Variants in CEP72 observed in about 807,000 individuals in gnomAD.
CEP72 encodes centrosomal protein 72.
Under a neutral mutation model 65.7 loss-of-function variants are expected in CEP72, and 78 were observed. The observed-to-expected ratio is 1.19, with a 90% confidence interval of 0.99 to 1.43. CEP72 has a LOEUF of 1.43. Ranked by LOEUF, CEP72 falls within the 40% of genes most tolerant of loss-of-function variation. CEP72 has a pLI of 0.00. For missense variants in CEP72, 914 were observed against 832.9 expected (o/e 1.10, Z -1.20); for synonymous variants, 358 against 351.7 (o/e 1.02, Z -0.20).
chr5:670,484 A>C (rs1174914554), downstream of CEP72, among the ~76,000 whole-genome samples: 1 of 151,944 alleles, frequency 6.6e-6, no homozygotes, highest in Non-Finnish European at 1.5e-5. Context: ...CCCCCAGGGC[A>C]CCAACCTCTG....
downstream of CEP72, chr5:661,787 C>G (rs1481898612): frequency 6.6e-6 from 1 of 152,530 alleles, no homozygotes; most frequent in East Asian, 1.9e-4. Flanking sequence ...TTTGCTACCC[C>G]TCCTGGCTAG....
chr5:628,852 CCTT>C (rs1376854693), intron 4 of CEP72, among the ~76,000 whole-genome samples: 1 of 115,704 alleles, frequency 8.6e-6, no homozygotes, highest in Non-Finnish European at 1.8e-5. Context: ...GACCCAGCGC[CCTT>C]CTTTGTGCAG....
Position 640,487 on chromosome 5 carries a change from C to T in CEP72, c.1422C>T (p.Val474=), listed in dbSNP as rs746067293. ...GCTCTGCGATGGTGGGTGAAGATGT[C>T]GGCTCCCTGGCTCTGGAGAGTAAGT... ...QDSSAMVGED[V]GSLALESKSL... is the part of the protein sequence containing the mutation. Residue 474 remains valine (V), a synonymous_variant, in exon 9 of 12, where the codon GTC becomes GTT. Transcript: ENST00000264935. 22 of 1,614,102 alleles carry T rather than the reference C, an allele frequency of 1.4e-5. No individual in the cohort carries two copies. The highest frequency in any genetic ancestry group is 1.1e-4 in the South Asian group (10 of 91,090).
chr5:664,925 T>C (rs1404319700), intron 2 of CEP72: 1 of 677,646 alleles, frequency 1.5e-6, no homozygotes. Context: ...AGGGGAGTGC[T>C]GGGGGCATCC....
downstream of CEP72, among the ~76,000 whole-genome samples, chr5:668,326 C>T (rs1290752761): frequency 2.9e-5 from 3 of 104,716 alleles, 1 homozygote; most frequent in Admixed American, 1.8e-4. Context: ...GAGAGGGGGC[C>T]GTGTGGGCGC....
At chr5:618,880 A>G in intron 1 of CEP72, 110 bp from the exon 2 acceptor site, 1 of 853,828 alleles carries the variant, frequency 1.2e-6, no homozygotes, top group Non-Finnish European at 1.8e-6. Context: ...GTTGAATTAA[A>G]CCAAGAATCT....
Position 649,621 on chromosome 5 carries a change from G to A in CEP72, c.1778+1705G>A, listed in dbSNP as rs557377294. Among the ~76,000 whole-genome samples, 7 of 104,444 alleles carry A rather than the reference G, an allele frequency of 6.7e-5. No homozygotes were observed. The East Asian group carries it at 1.9e-3, about 28-fold the overall frequency. 68.5% of individuals were successfully genotyped at this position (104,444 alleles called of 152,430 possible). A position where few individuals can be genotyped will look rare whatever the true frequency, so the allele number is the denominator to read the frequency against. ...GACTGTGAGGCGTGGACTGTGAGGC[G>A]TGGACTGTGAGGTGTGACTGTGAGG... On this transcript the variant is annotated intron_variant, in intron 11 of 11. Coordinates refer to ENST00000264935, the MANE Select transcript of CEP72 (RefSeq NM_018140.4).
intron 1 of CEP72, among the ~76,000 whole-genome samples, chr5:613,409 C>T (rs1455359821): frequency 6.6e-6 from 1 of 152,032 alleles, no homozygotes; most frequent in African/African-American, 2.4e-5. Context: ...CTCACTCTGT[C>T]GTCCAGGTTG....
intron 6 of CEP72, among the ~76,000 whole-genome samples, chr5:636,145 C>A (rs1737583060): frequency 6.6e-6 from 1 of 152,246 alleles, no homozygotes; most frequent in African/African-American, 2.4e-5. Flanking sequence ...ACTTTTACTC[C>A]CTTCAGTTCC....
At chr5:640,869 T>C in intron 9 of CEP72, 2 of 985,434 alleles carry the variant, frequency 2.0e-6, no homozygotes, top group African/African-American at 1.7e-5. Context: ...CACTGGGCAG[T>C]GCCGGGTGCT....
rs1561080452 is a variant in CEP72 at position 666,155 on chromosome 5, G to GGGGCA, written n.592+56_592+57insGGGCA. The GGGGCA allele has an allele frequency of 5.1e-6, 8 of 1,568,214 alleles. No individual in the cohort carries two copies. The South Asian group carries it at 9.0e-5, about 18-fold the overall frequency. ...GGGCACAGGCGACTTAGGGCTGGGC[G>GGGGCA]CGGGCCGGCCCAGGGCTGCCCTCCC... is the stretch of plus-strand genomic sequence containing the variant. On this transcript the variant is annotated intron_variant and non_coding_transcript_variant, in intron 4 of 4. Transcript: ENST00000514507.
intron 9 of CEP72, chr5:642,311 C>G: frequency 1.0e-5 from 10 of 984,172 alleles, no homozygotes; most frequent in Non-Finnish European, 1.2e-5. Context: ...CACATGGCCC[C>G]TCATCTGGTG....
chr5:635,227 GA>G (rs1475546530), intron 5 of CEP72, 144 bp from the exon 6 acceptor site: 2 of 640,346 alleles, frequency 3.1e-6, no homozygotes, highest in Non-Finnish European at 5.4e-6. Context: ...AGTCACTGTG[GA>G]TTCATTTCAG....
Position 645,301 on chromosome 5 carries a change from A to G in CEP72, c.1666+876A>G, listed in dbSNP as rs923151944. Among the ~76,000 whole-genome samples the G allele has an allele frequency of 2.0e-5, 3 of 151,502 alleles. No homozygotes were observed. The highest frequency in any genetic ancestry group is 1.3e-4 in the Admixed American group (2 of 15,218). On this transcript the variant is annotated intron_variant, in intron 10 of 11. Transcript: ENST00000264935. The surrounding 1 kb of genome is among the most constrained non-coding windows in gnomAD (Gnocchi z 4.0). ...TTGGATCTTTCGCCCGTTGGTTTTTATTGGGTTGTTTTATCGAGCGGTAAG... is the reference window on the plus strand; with the variant it reads ...TTGGATCTTTCGCCCGTTGGTTTTTGTTGGGTTGTTTTATCGAGCGGTAAG...
exon 5 of CEP72, chr5:666,864 A>T (rs1739937559): frequency 1.3e-5 from 2 of 152,324 alleles, no homozygotes; most frequent in African/African-American, 2.4e-5. Context: ...CTCTGACCAG[A>T]TCTACCACAA....
At chr5:670,183 G>A (rs1254113925), downstream of CEP72, among the ~76,000 whole-genome samples, 1 of 152,152 alleles carries the variant, frequency 6.6e-6, no homozygotes, top group African/African-American at 2.4e-5. Flanking sequence ...GAGGACTGAG[G>A]CCTGTTCCTC....
chr5:665,285 C>T (rs746458248), exon 3 of CEP72: 15 of 1,612,724 alleles, frequency 9.3e-6, no homozygotes, highest in South Asian at 3.3e-5. Context: ...CTGTGGGCGA[C>T]GAGATGGCTT....
chr5:626,996 T>A (rs1736798132), intron 4 of CEP72, among the ~76,000 whole-genome samples: 1 of 152,208 alleles, frequency 6.6e-6, no homozygotes, highest in Admixed American at 6.5e-5. Context: ...ATTGCCTTTG[T>A]CTGGTTTTGG....
rs1160284441 is a variant in CEP72 at position 649,066 on chromosome 5, G to GGACTGTGAGGTGT, written c.1778+1178_1778+1190dup. On this transcript the variant is annotated intron_variant, in intron 11 of 11. Coordinates refer to ENST00000264935, the MANE Select transcript of CEP72 (RefSeq NM_018140.4). ...ACTGTGAGGTGTGACTGTGAGGTGT[G>GGACTGTGAGGTGT]GACTGTGAGGTGTGACTGTGAGGTG... is the stretch of plus-strand genomic sequence containing the variant. Among the ~76,000 whole-genome samples, 443 of 82,548 alleles carry GGACTGTGAGGTGT rather than the reference G, an allele frequency of 5.4e-3. 37 individuals are homozygous for GGACTGTGAGGTGT. Among genetic ancestry groups the GGACTGTGAGGTGT allele is most frequent in the Admixed American group, 8.3e-3 (66 of 7,986 alleles). 54.2% of individuals were successfully genotyped at this position (82,548 alleles called of 152,430 possible). A position where few individuals can be genotyped will look rare whatever the true frequency, so the allele number is the denominator to read the frequency against.
Sources: gnomAD v4.1 joint callset for allele counts (sites outside exome capture counted in the v4.1 genomes callset) on GRCh38, gnomAD v4.1.1 for gene constraint, Gnocchi (gnomAD v3.1) non-coding constraint, MANE v1.5 for transcripts, NCBI Gene and HGNC (gene_info 2026-07-23, HGNC 2026-07-21) for gene names.